Variants in EBF1 observed in about 807,000 individuals in gnomAD.
The protein encoded by EBF1 is transcription factor COE1.
In EBF1, 10 loss-of-function variants were observed where a neutral mutation model predicts 68.4. The observed-to-expected ratio is 0.15, with a 90% confidence interval of 0.09 to 0.25. EBF1 has a LOEUF of 0.25. Ranked by LOEUF, EBF1 falls within the 10% of genes least tolerant of loss-of-function variation. The pLI is 1.00. For synonymous variants in EBF1, 298 were observed against 299.8 expected, an observed-to-expected ratio of 0.99 and a Z score of 0.06; for missense variants, 509 against 794.4, an observed-to-expected ratio of 0.64 and a Z score of 4.32.
chr5:158,863,223 C>T (rs978761269), intron 6 of EBF1, among the ~76,000 whole-genome samples: 2 of 152,148 alleles, frequency 1.3e-5, no homozygotes, highest in African/African-American at 4.8e-5. Flanking sequence ...TCACCCCTGC[C>T]CATTCCTGGT....
At chr5:158,845,726 GA>G (rs1483926502) in intron 6 of EBF1, among the ~76,000 whole-genome samples, 3 of 144,388 alleles carry the variant, frequency 2.1e-5, no homozygotes, top group African/African-American at 7.7e-5. Context: ...AAAAGAAGAA[GA>G]AATAACCACC....
chr5:159,081,267 T>C (rs1046317532), intron 5 of EBF1, among the ~76,000 whole-genome samples: 6 of 152,204 alleles, frequency 3.9e-5, no homozygotes, highest in African/African-American at 1.2e-4. Context: ...CTGTACAATA[T>C]TTGGAGAGAG....
At chr5:158,819,663 T>C (rs1784438571) in intron 8 of EBF1, among the ~76,000 whole-genome samples, 1 of 152,200 alleles carries the variant, frequency 6.6e-6, no homozygotes, top group African/African-American at 2.4e-5. Context: ...ACTCAGCTCC[T>C]TTCATCCCGA....
Position 158,733,588 on chromosome 5 carries a change from G to T in EBF1, c.1037-2431C>A, listed in dbSNP as rs569478664. Among the ~76,000 whole-genome samples, 6 of 152,196 alleles carry T rather than the reference G, an allele frequency of 3.9e-5. No homozygotes were observed. The South Asian group carries it at 1.2e-3, about 32-fold the overall frequency. ...GTCATTCGGCTGCCACAGAGTAATTGAATTAGACATATTAAACTCATTATT... is the reference window on the plus strand; with the variant it reads ...GTCATTCGGCTGCCACAGAGTAATTTAATTAGACATATTAAACTCATTATT... On this transcript the variant is annotated intron_variant, in intron 10 of 15. Coordinates refer to ENST00000313708, the MANE Select transcript of EBF1 (RefSeq NM_024007.5).
intron 6 of EBF1, among the ~76,000 whole-genome samples, chr5:159,007,322 CA>C (rs569735172): frequency 2.0e-5 from 3 of 151,568 alleles, no homozygotes; most frequent in African/African-American, 7.3e-5. Context: ...ATAAAGACAC[CA>C]AAAAAAATAA....
chr5:158,720,250 TC>T (rs2127513815), intron 11 of EBF1, among the ~76,000 whole-genome samples: 2 of 152,252 alleles, frequency 1.3e-5, no homozygotes, highest in South Asian at 4.2e-4. Context: ...CCTGGATCTT[TC>T]CCCACTGACT....
At chr5:158,801,992 T>A (rs6556365) in intron 8 of EBF1, among the ~76,000 whole-genome samples, 22,635 of 152,138 alleles carry the variant, frequency 0.15, 2,698 homozygotes, top group African/African-American at 0.33. Flanking sequence ...GATCTATTTC[T>A]TTGATAGAAA....
At chr5:158,719,935 A>G (rs988168660) in intron 11 of EBF1, among the ~76,000 whole-genome samples, 9 of 152,162 alleles carry the variant, frequency 5.9e-5, no homozygotes, top group African/African-American at 2.2e-4. Flanking sequence ...AAAAACTACA[A>G]GCATCCATAA....
intron 6 of EBF1, among the ~76,000 whole-genome samples, chr5:158,984,501 T>C (rs1758580815): frequency 1.3e-5 from 2 of 152,062 alleles, no homozygotes; most frequent in Non-Finnish European, 1.5e-5. Flanking sequence ...TTAAATAATA[T>C]GGAATCACAT....
chr5:158,730,843 G>A lies in EBF1; in HGVS notation c.1125+226C>T, dbSNP rs946339511. On this transcript the variant is annotated intron_variant, in intron 11 of 15. Coordinates refer to ENST00000313708, the MANE Select transcript of EBF1 (RefSeq NM_024007.5). ...GAATGGTAATAATACCAACATCAGAGCATTGTTGAGAGGATAAAATGGCAT... is the reference window on the plus strand; with the variant it reads ...GAATGGTAATAATACCAACATCAGAACATTGTTGAGAGGATAAAATGGCAT... 5.9e-5 allele frequency among the ~76,000 whole-genome samples: 9 copies of A among 152,168 alleles called. 1 individual carries two copies. The highest frequency in any genetic ancestry group is 1.3e-4 in the Admixed American group (2 of 15,278).
chr5:158,891,306 C>T (rs747615605), intron 6 of EBF1, among the ~76,000 whole-genome samples: 17 of 152,286 alleles, frequency 1.1e-4, no homozygotes, highest in South Asian at 8.3e-4. Flanking sequence ...CTCTGAGCAA[C>T]GAAAATTGAT....
intron 6 of EBF1, among the ~76,000 whole-genome samples, chr5:159,023,779 C>T (rs922804813): frequency 6.6e-6 from 1 of 152,074 alleles, no homozygotes; most frequent in African/African-American, 2.4e-5. Context: ...GTATTGCTTA[C>T]CATTAAATGG....
chr5:158,802,399 A>T (rs1193945758), intron 8 of EBF1, among the ~76,000 whole-genome samples: 1 of 152,110 alleles, frequency 6.6e-6, no homozygotes, highest in Non-Finnish European at 1.5e-5. Flanking sequence ...TTCTAATCTA[A>T]ATCTAAATCT....
chr5:158,974,696 A>G (rs1583591876), intron 6 of EBF1, among the ~76,000 whole-genome samples: 1 of 152,342 alleles, frequency 6.6e-6, no homozygotes, highest in East Asian at 1.9e-4. Flanking sequence ...TACCCAAAAG[A>G]CTATAATGGT....
chr5:158,867,094 G>C (rs1486694726), intron 6 of EBF1, among the ~76,000 whole-genome samples: 1 of 151,884 alleles, frequency 6.6e-6, no homozygotes, highest in African/African-American at 2.4e-5. Context: ...CCATAAAAGT[G>C]GTCAATGTTA....
intron 8 of EBF1, among the ~76,000 whole-genome samples, chr5:158,816,920 C>T (rs1233267503): frequency 6.6e-6 from 1 of 152,180 alleles, no homozygotes; most frequent in Non-Finnish European, 1.5e-5. Flanking sequence ...GGTGAGTTTC[C>T]AAAGTCCAGC....
At chr5:158,818,935 A>AAC (rs1784285843) in intron 8 of EBF1, among the ~76,000 whole-genome samples, 1 of 137,574 alleles carries the variant, frequency 7.3e-6, no homozygotes, top group African/African-American at 3.2e-5. Context: ...AACAATAACA[A>AAC]AAAAAAAAAA....
intron 6 of EBF1, among the ~76,000 whole-genome samples, chr5:158,997,286 C>T (rs1325261239): frequency 6.6e-6 from 1 of 152,164 alleles, no homozygotes; most frequent in African/African-American, 2.4e-5. Context: ...GACTGGGACC[C>T]TCTAAAGAGC....
intron 6 of EBF1, among the ~76,000 whole-genome samples, chr5:159,033,672 A>G (rs1473598534): frequency 6.6e-6 from 1 of 152,260 alleles, no homozygotes; most frequent in East Asian, 1.9e-4. Flanking sequence ...TCAGAGTAAC[A>G]GAAATGTGCA....
Sources: allele counts gnomAD v4.1 joint callset (sites outside exome capture counted in the v4.1 genomes callset), GRCh38; gene constraint gnomAD v4.1.1; transcripts MANE v1.5; gene names NCBI Gene and HGNC (gene_info 2026-07-23, HGNC 2026-07-21).